The following KCNAB1 variants were observed in gnomAD, a reference collection of about 807,000 sequenced individuals.
KCNAB1 encodes the protein potassium voltage-gated channel subfamily A regulatory beta subunit 1.
In KCNAB1, 35 loss-of-function variants were observed where a neutral mutation model predicts 64.6. The observed-to-expected ratio is 0.54, with a 90% CI of 0.41 to 0.72. KCNAB1 has a LOEUF of 0.72. Ranked by LOEUF, KCNAB1 falls within the 30% of genes least tolerant of loss-of-function variation. KCNAB1 has a pLI of 0.00. For missense variants in KCNAB1, 401 were observed against 512.9 expected (o/e 0.78, Z 2.11); for synonymous variants, 177 against 183.8 (o/e 0.96, Z 0.30).
chr3:156,351,351 C>T (rs920766813), intron 1 of KCNAB1, among the ~76,000 whole-genome samples: 1 of 152,164 alleles, frequency 6.6e-6, no homozygotes, highest in African/African-American at 2.4e-5. Flanking sequence ...TGGGAAGAGG[C>T]AATAGAGACC....
In KCNAB1 at chr3:156,120,618, G is replaced by A. The variant is rs765118019; in HGVS notation, c.7G>A (p.Ala3Thr). Residue 3 changes from alanine to threonine, a missense_variant, in exon 1 of 14, where the codon GCA becomes ACA. By Grantham distance (58) the Ala-to-Thr change is moderately conservative. Transcript: ENST00000490337. ...TCTCTGAAAGATCTCCACGATGCTG[G>A]CAGCCCGGACAGGGGCAGCGGGGAG... ML[A>T]ARTGAAGSQI... 4 of 1,613,882 alleles carry A rather than the reference G, an allele frequency of 2.5e-6. No homozygotes were observed. The highest frequency in any genetic ancestry group is 3.4e-6 in the Non-Finnish European group (4 of 1,179,876).
At position 156,468,352 on chromosome 3, in the gene KCNAB1, C is replaced by T. The variant is rs186608183; in HGVS notation, c.571+2666C>T. On this transcript the variant is annotated intron_variant, in intron 7 of 13. Transcript: ENST00000490337. ...AGTGTGAACCATATGTGTGTGCATGCGTGTGTGTGTGTGTACATAGATATA... is the reference window on the plus strand; with the variant it reads ...AGTGTGAACCATATGTGTGTGCATGTGTGTGTGTGTGTGTACATAGATATA... Among the ~76,000 whole-genome samples, 23 of 151,176 alleles carry T rather than the reference C, an allele frequency of 1.5e-4. 1 individual carries two copies. The highest frequency in any genetic ancestry group is 5.3e-4 in the African/African-American group (22 of 41,304).
chr3:156,281,617 C>T (rs1032097784), intron 1 of KCNAB1, among the ~76,000 whole-genome samples: 35 of 152,264 alleles, frequency 2.3e-4, no homozygotes, highest in Middle Eastern at 3.4e-3. Flanking sequence ...GATTGGTAAG[C>T]TATTGATTAT....
chr3:156,370,583 G>A (rs555234117), intron 1 of KCNAB1, among the ~76,000 whole-genome samples: 10 of 152,192 alleles, frequency 6.6e-5, no homozygotes, highest in African/African-American at 1.9e-4. Context: ...GCAAACTGAT[G>A]TATGAGACTG....
chr3:156,518,483 A>AGAAG (rs944886997), intron 11 of KCNAB1, among the ~76,000 whole-genome samples: 1 of 152,046 alleles, frequency 6.6e-6, no homozygotes, highest in East Asian at 1.9e-4. Context: ...AAGAAAAGAA[A>AGAAG]GAAGGAAGGA....
chr3:156,363,914 C>T (rs1188946669), intron 1 of KCNAB1, among the ~76,000 whole-genome samples: 1 of 152,372 alleles, frequency 6.6e-6, no homozygotes, highest in Middle Eastern at 3.4e-3. Flanking sequence ...GATGCTGGAT[C>T]ATACCATTTC....
chr3:156,366,247 G>A (rs1286424654), intron 1 of KCNAB1, among the ~76,000 whole-genome samples: 1 of 152,088 alleles, frequency 6.6e-6, no homozygotes, highest in African/African-American at 2.4e-5. Context: ...AACAAATGAT[G>A]GGATGAAAAA....
intron 1 of KCNAB1, among the ~76,000 whole-genome samples, chr3:156,131,299 A>T (rs1713982018): frequency 6.6e-6 from 1 of 152,228 alleles, no homozygotes; most frequent in African/African-American, 2.4e-5. Context: ...GGTATGTGAA[A>T]TGTCGTCAGA....
intron 1 of KCNAB1, among the ~76,000 whole-genome samples, chr3:156,321,553 T>C (rs1465406388): frequency 5.3e-5 from 8 of 152,228 alleles, no homozygotes; most frequent in Admixed American, 5.2e-4. Context: ...TTTATATCCT[T>C]TTTCCCTTAT....
At chr3:156,231,674 T>C (rs956236979) in intron 1 of KCNAB1, among the ~76,000 whole-genome samples, 2 of 151,950 alleles carry the variant, frequency 1.3e-5, no homozygotes, top group Admixed American at 1.3e-4. Context: ...GCAATTCCTC[T>C]GCACAATAAA....
intron 1 of KCNAB1, among the ~76,000 whole-genome samples, chr3:156,377,872 C>G (rs1049029338): frequency 6.6e-6 from 1 of 151,814 alleles, no homozygotes; most frequent in Admixed American, 6.6e-5. Flanking sequence ...GGTGTGCTTC[C>G]CTATTTTTAT....
At chr3:156,490,680 A>G (rs1213827187) in intron 8 of KCNAB1, among the ~76,000 whole-genome samples, 1 of 152,154 alleles carries the variant, frequency 6.6e-6, no homozygotes, top group Non-Finnish European at 1.5e-5. Flanking sequence ...GGACAATAGG[A>G]GAGAAAAGAT....
chr3:156,502,037 G>A (rs750122675), intron 8 of KCNAB1, among the ~76,000 whole-genome samples: 18 of 152,106 alleles, frequency 1.2e-4, no homozygotes, highest in Non-Finnish European at 1.9e-4. Flanking sequence ...GGTCCCTCCC[G>A]CAACATGTGG....
chr3:156,374,855 A>T (rs1711539938), intron 1 of KCNAB1, among the ~76,000 whole-genome samples: 1 of 136,472 alleles, frequency 7.3e-6, no homozygotes, highest in African/African-American at 3.3e-5. Flanking sequence ...TTTTAAAAAA[A>T]TACAGATTAA....
chr3:156,421,084 G>T (rs1027485748), intron 1 of KCNAB1, among the ~76,000 whole-genome samples: 5 of 151,554 alleles, frequency 3.3e-5, no homozygotes, highest in Non-Finnish European at 7.4e-5. Flanking sequence ...ACATCCATTA[G>T]AATTAATATT....
chr3:156,172,242 CAG>C (rs1712047101), intron 1 of KCNAB1, among the ~76,000 whole-genome samples: 1 of 151,128 alleles, frequency 6.6e-6, no homozygotes, highest in Non-Finnish European at 1.5e-5. Context: ...AGTTTCATAA[CAG>C]AATTTTGAAG....
intron 1 of KCNAB1, among the ~76,000 whole-genome samples, chr3:156,160,494 AAG>A (rs778470980): frequency 6.6e-6 from 1 of 152,010 alleles, no homozygotes; most frequent in Non-Finnish European, 1.5e-5. Context: ...CCTTTTGGCG[AAG>A]AGAGTGTTAG....
intron 2 of KCNAB1, among the ~76,000 whole-genome samples, chr3:156,433,142 G>A (rs886609402): frequency 9.8e-5 from 15 of 152,310 alleles, no homozygotes; most frequent in East Asian, 7.7e-4. Flanking sequence ...AGGGAGAAAC[G>A]ACACACAGAT....
intron 1 of KCNAB1, among the ~76,000 whole-genome samples, chr3:156,127,543 T>C (rs1214484081): frequency 1.3e-5 from 2 of 152,232 alleles, no homozygotes; most frequent in East Asian, 3.8e-4. Context: ...CACTGAATGA[T>C]TGGGCTAGGA....
Sources: gnomAD v4.1 joint callset for allele counts (sites outside exome capture counted in the v4.1 genomes callset) on GRCh38, gnomAD v4.1.1 for gene constraint, MANE v1.5 for transcripts, NCBI Gene and HGNC (gene_info 2026-07-23, HGNC 2026-07-21) for gene names.